The following SETBP1 variants were observed in gnomAD, a reference collection of about 807,000 sequenced individuals.
SETBP1 encodes SET binding protein 1, also known as SET-binding protein.
A neutral mutation model predicts 101.0 loss-of-function variants in SETBP1; 9 were observed. The observed-to-expected ratio is 0.09, with a 90% confidence interval of 0.05 to 0.16. The LOEUF is 0.16. Among genes scored for constraint, SETBP1 ranks in the 10% least tolerant of loss-of-function variants. The pLI, the probability that SETBP1 is intolerant of heterozygous loss-of-function variation, is 1.00. For synonymous variants in SETBP1, 818 were observed against 788.5 expected (o/e 1.04, Z -0.63); for missense variants, 1,858 against 2,033.8 (o/e 0.91, Z 1.66).
intron 1 of SETBP1, among the ~76,000 whole-genome samples, chr18:44,689,892 C>T (rs1318595621): frequency 6.6e-6 from 1 of 152,150 alleles, no homozygotes; most frequent in East Asian, 1.9e-4. Context: ...CTCCCCTAAG[C>T]TGAAATGGGG....
At chr18:44,904,508 A>G (rs552134644) in intron 3 of SETBP1, among the ~76,000 whole-genome samples, 2 of 152,342 alleles carry the variant, frequency 1.3e-5, no homozygotes, top group African/African-American at 4.8e-5. Flanking sequence ...TAAGAAAAAA[A>G]GAAACCTCCC....
chr18:44,816,049 G>T lies in SETBP1; in HGVS notation c.487-53181G>T, dbSNP rs374007697. Among the ~76,000 whole-genome samples, 34 of 152,286 alleles carry T rather than the reference G, an allele frequency of 2.2e-4. 2 individuals are homozygous for T. In the East Asian group the frequency reaches 2.7e-3, roughly 12 times the overall value. ...AATCAATAAACAAATTAGAGAAACAGTCGAGAGACCCTGGGAACCAGGGAC... is the reference window on the plus strand; with the variant it reads ...AATCAATAAACAAATTAGAGAAACATTCGAGAGACCCTGGGAACCAGGGAC... On this transcript the variant is annotated intron_variant, in intron 2 of 5. Coordinates refer to ENST00000649279, the MANE Select transcript of SETBP1 (RefSeq NM_015559.3).
intron 2 of SETBP1, among the ~76,000 whole-genome samples, chr18:44,766,843 A>G (rs967364566): frequency 6.6e-6 from 1 of 152,198 alleles, no homozygotes; most frequent in Non-Finnish European, 1.5e-5. Context: ...ATTTTATCTT[A>G]TGTGTATTTT....
intron 2 of SETBP1, among the ~76,000 whole-genome samples, chr18:44,774,667 G>C (rs1464003941): frequency 1.3e-5 from 2 of 152,130 alleles, no homozygotes; most frequent in Non-Finnish European, 2.9e-5. Flanking sequence ...TCACTTGTGA[G>C]TAATCTAATC....
At chr18:44,788,858 C>A (rs570528555) in intron 2 of SETBP1, among the ~76,000 whole-genome samples, 4 of 129,552 alleles carry the variant, frequency 3.1e-5, no homozygotes, top group African/African-American at 1.2e-4. Flanking sequence ...AGTGAACTGG[C>A]GTGATCATTG....
At chr18:44,759,350 G>A (rs1269616041) in intron 2 of SETBP1, among the ~76,000 whole-genome samples, 4 of 152,134 alleles carry the variant, frequency 2.6e-5, no homozygotes, top group Admixed American at 2.6e-4. Context: ...GCTTTCCTGC[G>A]AAGGTGATAC....
At chr18:44,875,677 A>C (rs1380961405) in intron 3 of SETBP1, among the ~76,000 whole-genome samples, 1 of 152,186 alleles carries the variant, frequency 6.6e-6, no homozygotes, top group Non-Finnish European at 1.5e-5. Flanking sequence ...GACTTAGTAT[A>C]TATAGATGCC....
chr18:44,821,681 C>T (rs1383117469), intron 2 of SETBP1, among the ~76,000 whole-genome samples: 2 of 152,178 alleles, frequency 1.3e-5, no homozygotes, highest in Non-Finnish European at 2.9e-5. Context: ...TAAATAAGTG[C>T]TTGTATTGTA....
chr18:44,715,466 A>G (rs1341927426), intron 2 of SETBP1, among the ~76,000 whole-genome samples: 2 of 152,180 alleles, frequency 1.3e-5, no homozygotes, highest in Non-Finnish European at 2.9e-5. Context: ...CCCTTGCAAA[A>G]TAAGATTCCA....
chr18:44,872,311 A>T (rs931938078), intron 3 of SETBP1, among the ~76,000 whole-genome samples: 2 of 152,140 alleles, frequency 1.3e-5, no homozygotes, highest in African/African-American at 4.8e-5. Context: ...AAAATACCCT[A>T]TCATTTCACC....
intron 4 of SETBP1, among the ~76,000 whole-genome samples, chr18:44,995,135 C>CTTTTT (rs58617770): frequency 3.9e-4 from 37 of 95,000 alleles, no homozygotes; most frequent in Non-Finnish European, 5.4e-4. Flanking sequence ...ATGTTATTTA[C>CTTTTT]TTTTTTTTTT....
rs567197796 is a variant in SETBP1 at position 44,777,704 on chromosome 18, G to A, written c.486+75872G>A. 3.9e-5 allele frequency among the ~76,000 whole-genome samples: 6 copies of A among 152,280 alleles called. No homozygotes were observed. In the South Asian group the frequency reaches 6.2e-4, roughly 16 times the overall value. ...AGGGATGCATGTTGCTCTGGGCTCCGTATCAGTTCATATTTGGCACTGCCT... is the reference window on the plus strand; with the variant it reads ...AGGGATGCATGTTGCTCTGGGCTCCATATCAGTTCATATTTGGCACTGCCT... On this transcript the variant is annotated intron_variant, in intron 2 of 5. Transcript: ENST00000649279.
At chr18:45,040,488 T>C (rs996236151) in intron 5 of SETBP1, among the ~76,000 whole-genome samples, 24 of 152,188 alleles carry the variant, frequency 1.6e-4, no homozygotes, top group Non-Finnish European at 1.6e-4. Flanking sequence ...TTATTCAACC[T>C]TGTCGATTAA....
At chr18:44,856,350 C>T (rs1018881946) in intron 2 of SETBP1, among the ~76,000 whole-genome samples, 2 of 152,212 alleles carry the variant, frequency 1.3e-5, no homozygotes, top group Non-Finnish European at 2.9e-5. Context: ...CCCTTCCATG[C>T]TAAGACTTCT....
intron 2 of SETBP1, among the ~76,000 whole-genome samples, chr18:44,780,614 A>G (rs2071107843): frequency 6.6e-6 from 1 of 152,218 alleles, no homozygotes; most frequent in Non-Finnish European, 1.5e-5. Flanking sequence ...TCGTTTATCC[A>G]GTCAATCAAC....
intron 1 of SETBP1, among the ~76,000 whole-genome samples, chr18:44,690,673 A>C (rs1454481676): frequency 6.6e-6 from 1 of 152,222 alleles, no homozygotes; most frequent in Non-Finnish European, 1.5e-5. Context: ...CTGTGATTTC[A>C]ACAAATCCCT....
At chr18:44,815,493 G>C (rs570498142) in intron 2 of SETBP1, among the ~76,000 whole-genome samples, 64 of 152,336 alleles carry the variant, frequency 4.2e-4, no homozygotes, top group African/African-American at 1.4e-3. Flanking sequence ...TTTGGCTACT[G>C]TTTACTTTGG....
intron 3 of SETBP1, among the ~76,000 whole-genome samples, chr18:44,893,247 A>G (rs935814033): frequency 6.6e-6 from 1 of 152,188 alleles, no homozygotes. Context: ...GTAGTACTAG[A>G]TAACATTTAC....
chr18:44,934,713 A>G (rs2070920473), intron 3 of SETBP1, among the ~76,000 whole-genome samples: 3 of 152,164 alleles, frequency 2.0e-5, no homozygotes, highest in Admixed American at 6.5e-5. Context: ...ACAGATAGGG[A>G]AAGTGGGACA....
Sources: allele counts gnomAD v4.1 joint callset (sites outside exome capture counted in the v4.1 genomes callset), GRCh38; gene constraint gnomAD v4.1.1; transcripts MANE v1.5; gene names NCBI Gene and HGNC (gene_info 2026-07-23, HGNC 2026-07-21).